CAMSAP1: variants seen among roughly 807,000 people sequenced by gnomAD.
CAMSAP1 encodes calmodulin-regulated spectrin-associated protein 1.
Under a neutral mutation model 143.5 loss-of-function variants are expected in CAMSAP1, and 58 were observed. The observed-to-expected ratio is 0.40, with a 90% confidence interval of 0.33 to 0.50. The LOEUF (loss-of-function observed/expected upper bound fraction) is 0.50, where lower values mean the gene tolerates loss of function less well. Ranked by LOEUF, CAMSAP1 falls within the 20% of genes least tolerant of loss-of-function variation. The pLI, the probability that CAMSAP1 is intolerant of heterozygous loss-of-function variation, is 0.45. For missense variants in CAMSAP1, 1,969 were observed against 2,115.7 expected, an observed-to-expected ratio of 0.93 and a Z score of 1.36; for synonymous variants, 945 against 859.3, an observed-to-expected ratio of 1.10 and a Z score of -1.74.
intron 7 of CAMSAP1, among the ~76,000 whole-genome samples, chr9:135,832,078 C>G (rs181025672): frequency 3.3e-5 from 5 of 152,270 alleles, no homozygotes; most frequent in African/African-American, 9.6e-5. Context: ...ATGAAGACAG[C>G]ATCACCCTGA....
intron 1 of CAMSAP1, among the ~76,000 whole-genome samples, chr9:135,897,390 G>C (rs1033644697): frequency 1.3e-5 from 2 of 152,036 alleles, no homozygotes; most frequent in Non-Finnish European, 2.9e-5. Flanking sequence ...CTAGACTCAA[G>C]CTATCCTCCT....
chr9:135,832,222 T>A (rs1835881528), intron 7 of CAMSAP1, among the ~76,000 whole-genome samples: 1 of 152,232 alleles, frequency 6.6e-6, no homozygotes, highest in Admixed American at 6.5e-5. Context: ...TTATACACCA[T>A]GATTAAGTGG....
At chr9:135,860,592 T>C (rs2130928229) in intron 5 of CAMSAP1, among the ~76,000 whole-genome samples, 1 of 105,692 alleles carries the variant, frequency 9.5e-6, no homozygotes, top group Admixed American at 1.2e-4. Context: ...AGCAAGACTC[T>C]GCCTCAAAAA....
Position 135,811,767 on chromosome 9 carries a change from C to A in CAMSAP1, c.4507-156G>T, listed in dbSNP as rs1835061996. On this transcript the variant is annotated intron_variant, in intron 16 of 16. Transcript: ENST00000389532. This position sits in a 1 kb window ranked among gnomAD's most constrained non-coding sequence, Gnocchi z 4.9. The stretch of plus-strand genomic sequence containing the variant: ...CCTGTTGTAAACAATTACAGCAGAC[C>A]CCTGTACGGGAGCATTATATGCCAT... 6.6e-6 allele frequency among the ~76,000 whole-genome samples: 1 copy of A among 152,152 alleles called. No homozygotes were observed. The highest frequency in any genetic ancestry group is 1.5e-5 in the Non-Finnish European group (1 of 68,030).
In CAMSAP1 at chr9:135,824,143, G is replaced by A; in HGVS notation, c.1316-109C>T. The A allele has an allele frequency of 1.1e-6, 1 of 904,092 alleles. No individual in the cohort carries two copies. 56.0% of individuals were successfully genotyped at this position (904,092 alleles called of 1,614,324 possible). A position where few individuals can be genotyped will look rare whatever the true frequency, so the allele number is the denominator to read the frequency against. On this transcript the variant is annotated intron_variant, in intron 9 of 16. Transcript: ENST00000389532. This position sits in a 1 kb window ranked among gnomAD's most constrained non-coding sequence, Gnocchi z 4.1. ...AAATGCCTCTCAAGTCAGTACACCA[G>A]AAGGGCCGCATGGAAAGCAGAGAGG...
rs1218213863 is a variant in CAMSAP1, at chr9:135,820,814, G to C, written c.3822+25C>G. ...GGGTGGCAACACATCACGAGTGCCT[G>C]AAACAGATGCTACCAATCCCTTACC... On this transcript the variant is annotated intron_variant, in intron 11 of 16. Coordinates refer to ENST00000389532, the MANE Select transcript of CAMSAP1 (RefSeq NM_015447.4). The surrounding 1 kb of genome is among the most constrained non-coding windows in gnomAD (Gnocchi z 4.4). The C allele has an allele frequency of 6.2e-7, 1 of 1,607,884 alleles. No homozygotes were observed. The highest frequency in any genetic ancestry group is 8.5e-7 in the Non-Finnish European group (1 of 1,178,362).
intron 1 of CAMSAP1, among the ~76,000 whole-genome samples, chr9:135,890,584 G>T (rs71508822): frequency 6.6e-6 from 1 of 152,258 alleles, no homozygotes; most frequent in South Asian, 2.1e-4. Flanking sequence ...TGGGTAACCT[G>T]AAGGGCTGCA....
chr9:135,896,542 C>T (rs1838460351), intron 1 of CAMSAP1, among the ~76,000 whole-genome samples: 1 of 152,164 alleles, frequency 6.6e-6, no homozygotes, highest in South Asian at 2.1e-4. Flanking sequence ...TAGAACACTC[C>T]ACCAAGTTAC....
At chr9:135,832,418 C>T (rs1162007325) in intron 7 of CAMSAP1, among the ~76,000 whole-genome samples, 3 of 152,146 alleles carry the variant, frequency 2.0e-5, no homozygotes, top group Admixed American at 2.0e-4. Context: ...AGCTTACCTC[C>T]TCACAATAAA....
At position 135,808,883 on chromosome 9, in the gene CAMSAP1, T is replaced by C. The variant is rs1211469868; in HGVS notation, c.*2426A>G. 2.0e-5 allele frequency: 3 copies of C among 152,244 alleles called. No individual in the cohort carries two copies. Among genetic ancestry groups the C allele is most frequent in the African/African-American group, 7.2e-5 (3 of 41,460 alleles). The allele number at this position is 152,244 out of a possible 1,614,324, so 9.4% of individuals were successfully genotyped here. A position where few individuals can be genotyped will look rare whatever the true frequency, so the allele number is the denominator to read the frequency against. ...ATAAACTTCATCATACATTGAATCA[T>C]TTGGTTTACACTTTCTTTACAAAGT... On this transcript the variant is annotated 3_prime_UTR_variant, in exon 17 of 17. Coordinates refer to ENST00000389532, the MANE Select transcript of CAMSAP1 (RefSeq NM_015447.4).
chr9:135,879,487 G>A (rs1837864954), intron 3 of CAMSAP1, among the ~76,000 whole-genome samples: 1 of 152,052 alleles, frequency 6.6e-6, no homozygotes, highest in Non-Finnish European at 1.5e-5. Context: ...CCCAGAATCT[G>A]CAATTTTACC....
chr9:135,852,343 T>C (rs1296197463), intron 5 of CAMSAP1, among the ~76,000 whole-genome samples: 1 of 152,260 alleles, frequency 6.6e-6, no homozygotes, highest in Non-Finnish European at 1.5e-5. Flanking sequence ...AAGTTTTACA[T>C]TTTGATATGG....
Position 135,866,545 on chromosome 9 carries a change from G to T in CAMSAP1, c.586-9C>A, listed in dbSNP as rs1179837961. On this transcript the variant is annotated splice_polypyrimidine_tract_variant and intron_variant, in intron 3 of 16. Transcript: ENST00000389532. ...CTCATTTTAAGATTTACCTAAAGTA[G>T]AAGAGAAATGCATTAAAGAGGTAAT... is the stretch of plus-strand genomic sequence containing the variant. 1.6e-6 allele frequency: 2 copies of T among 1,245,086 alleles called. No individual in the cohort carries two copies. The highest frequency in any genetic ancestry group is 4.0e-5 in the Admixed American group (2 of 50,460). 77.1% of individuals were successfully genotyped at this position (1,245,086 alleles called of 1,614,324 possible).
intron 3 of CAMSAP1, among the ~76,000 whole-genome samples, chr9:135,880,927 G>A (rs58784505): frequency 0.018 from 2,765 of 152,230 alleles, 93 homozygotes; most frequent in African/African-American, 0.064. Context: ...GCTTCTAAAT[G>A]TAAAAGGAGA....
chr9:135,865,604 G>C (rs1159572710), intron 4 of CAMSAP1, among the ~76,000 whole-genome samples: 2 of 152,216 alleles, frequency 1.3e-5, no homozygotes, highest in Non-Finnish European at 2.9e-5. Flanking sequence ...GAAAACTTCG[G>C]AAACTTGGTA....
chr9:135,831,725 A>G (rs1346289882), intron 7 of CAMSAP1, among the ~76,000 whole-genome samples: 4 of 152,170 alleles, frequency 2.6e-5, no homozygotes, highest in Non-Finnish European at 4.4e-5. Context: ...AAACTAATGA[A>G]GAAAAAGACT....
At position 135,824,054 on chromosome 9, in the gene CAMSAP1, G is replaced by A. The variant is rs1347260316; in HGVS notation, c.1316-20C>T. ...GCTGATCTGCAGTACAGAGGAATTAGATAGTGTTAAGTAACCAATTTTCTA... is the reference window on the plus strand; with the variant it reads ...GCTGATCTGCAGTACAGAGGAATTAAATAGTGTTAAGTAACCAATTTTCTA... On this transcript the variant is annotated intron_variant, in intron 9 of 16. Transcript: ENST00000389532. This position sits in a 1 kb window ranked among gnomAD's most constrained non-coding sequence, Gnocchi z 4.1. 6.4e-7 allele frequency: 1 copy of A among 1,558,990 alleles called. No homozygotes were observed. Among genetic ancestry groups the A allele is most frequent in the Non-Finnish European group, 8.7e-7 (1 of 1,149,286 alleles).
At chr9:135,845,447 A>G (rs1836517703) in intron 7 of CAMSAP1, among the ~76,000 whole-genome samples, 1 of 152,222 alleles carries the variant, frequency 6.6e-6, no homozygotes, top group Admixed American at 6.5e-5. Context: ...TTCCCTTTGA[A>G]AACCGGTACA....
intron 1 of CAMSAP1, among the ~76,000 whole-genome samples, chr9:135,885,248 G>C (rs1047025205): frequency 6.6e-6 from 1 of 152,124 alleles, no homozygotes; most frequent in African/African-American, 2.4e-5. Flanking sequence ...AAATACCACA[G>C]ACACACAGTC....
Sources: gnomAD v4.1 joint callset for allele counts (sites outside exome capture counted in the v4.1 genomes callset) on GRCh38, gnomAD v4.1.1 for gene constraint, Gnocchi (gnomAD v3.1) non-coding constraint, MANE v1.5 for transcripts, NCBI Gene and HGNC (gene_info 2026-07-23, HGNC 2026-07-21) for gene names.